The following BICRAL variants were observed in gnomAD, a reference collection of about 807,000 sequenced individuals.
The protein encoded by BICRAL is BRD4-interacting chromatin-remodeling complex-associated protein-like.
Under a neutral mutation model 91.8 loss-of-function variants are expected in BICRAL, and 8 were observed. That is an observed-to-expected ratio of 0.09 (90% CI 0.05 to 0.16). The LOEUF is 0.16. BICRAL is among the 10% of genes least tolerant of loss of function. The probability of loss-of-function intolerance (pLI) is 1.00; values close to 1 mark genes in which losing one functional copy is unlikely to be tolerated. For synonymous variants in BICRAL, 445 were observed against 491.1 expected (o/e 0.91, Z 1.24); for missense variants, 1,038 against 1,310.9 (o/e 0.79, Z 3.21).
intron 1 of BICRAL, among the ~76,000 whole-genome samples, chr6:42,803,610 T>A (rs1433384781): frequency 6.6e-5 from 10 of 152,218 alleles, no homozygotes; most frequent in African/African-American, 2.4e-4. Context: ...GGTAAACAGT[T>A]ATTAGGCATG....
intron 1 of BICRAL, among the ~76,000 whole-genome samples, chr6:42,747,809 T>A (rs1195336509): frequency 6.9e-6 from 1 of 145,036 alleles, no homozygotes; most frequent in Admixed American, 6.7e-5. Context: ...TATTTTGTTT[T>A]TTTTTTTTTT....
chr6:42,749,661 AATT>A (rs1028103815), intron 1 of BICRAL, among the ~76,000 whole-genome samples: 4 of 152,272 alleles, frequency 2.6e-5, no homozygotes, highest in African/African-American at 7.2e-5. Flanking sequence ...AAATATGTAC[AATT>A]ATTATATATC....
At position 42,848,443 on chromosome 6, in the gene BICRAL, C is replaced by T. The variant is rs149117901; in HGVS notation, c.1840-3649C>T. Among the ~76,000 whole-genome samples, 589 of 152,298 alleles carry T rather than the reference C, an allele frequency of 3.9e-3. 3 individuals are homozygous for T. The highest frequency in any genetic ancestry group is 0.013 in the African/African-American group (557 of 41,560). ...AAAAAATAAAATCCTCAAGCGATTG[C>T]AAATTTTCATGCTCTGACATTAGAT... On this transcript the variant is annotated intron_variant, in intron 6 of 12. Transcript: ENST00000314073.
rs1340952303 is a variant in BICRAL, at chr6:42,830,076, C to T, written c.1743C>T (p.Val581=). The T allele has an allele frequency of 2.5e-6, 4 of 1,614,152 alleles. No individual in the cohort carries two copies. The highest frequency in any genetic ancestry group is 8.5e-7 in the Non-Finnish European group (1 of 1,180,002). Residue 581 remains valine (V), a synonymous_variant, in exon 6 of 13, where the codon GTC becomes GTT. Coordinates refer to ENST00000314073, the MANE Select transcript of BICRAL (RefSeq NM_001393499.1). ...LTQPNRTPVP[V]SVSHRLPVSS... ...AGCCAAACAGGACTCCAGTACCAGT[C>T]AGTGTGTCTCATCGTCTTCCAGTTT...
At chr6:42,812,402 G>C (rs1350541582) in intron 2 of BICRAL, among the ~76,000 whole-genome samples, 3 of 151,920 alleles carry the variant, frequency 2.0e-5, no homozygotes, top group African/African-American at 7.3e-5. Context: ...AGACCACCCT[G>C]GGCAACACAG....
intron 1 of BICRAL, among the ~76,000 whole-genome samples, chr6:42,759,500 G>C (rs1457475192): frequency 6.6e-6 from 1 of 152,186 alleles, no homozygotes; most frequent in Non-Finnish European, 1.5e-5. Context: ...GGGAGTGTCT[G>C]AGAGATTTGG....
Position 42,767,499 on chromosome 6 carries a change from T to C in BICRAL, c.-260-14340T>C, listed in dbSNP as rs117898205. On this transcript the variant is annotated intron_variant, in intron 1 of 14. Coordinates refer to the BICRAL transcript ENST00000614467. ...CATCATTAGGTCCAGGGAACACTTG[T>C]CCATGCCACCCTGACTGACTTTAAT... Among the ~76,000 whole-genome samples, 38 of 152,304 alleles carry C rather than the reference T, an allele frequency of 2.5e-4. 3 individuals are homozygous for C. In the East Asian group the frequency reaches 7.3e-3, roughly 29 times the overall value.
intron 1 of BICRAL, among the ~76,000 whole-genome samples, chr6:42,770,537 C>T (rs1762703457): frequency 6.6e-6 from 1 of 151,360 alleles, no homozygotes; most frequent in African/African-American, 2.4e-5. Flanking sequence ...CCCTCAGCCT[C>T]CAGAGTAGCT....
chr6:42,845,183 TG>T (rs372909405), intron 6 of BICRAL, among the ~76,000 whole-genome samples: 1 of 146,466 alleles, frequency 6.8e-6, no homozygotes, highest in Non-Finnish European at 1.5e-5. Context: ...CTCTGTTTTT[TG>T]TTTTTTGGGT....
At chr6:42,805,681 T>C (rs1763684651) in intron 1 of BICRAL, among the ~76,000 whole-genome samples, 1 of 152,026 alleles carries the variant, frequency 6.6e-6, no homozygotes, top group African/African-American at 2.4e-5. Flanking sequence ...GACTTTCTAA[T>C]GTAAATATGA....
chr6:42,769,712 A>T (rs1306249350), intron 1 of BICRAL, among the ~76,000 whole-genome samples: 1 of 152,036 alleles, frequency 6.6e-6, no homozygotes, highest in African/African-American at 2.4e-5. Flanking sequence ...TACCACATTT[A>T]TCCTCATGGA....
intron 6 of BICRAL, among the ~76,000 whole-genome samples, chr6:42,832,578 C>CGTGTGTGTGTGTGT (rs59693040): frequency 1.1e-4 from 16 of 142,744 alleles, no homozygotes; most frequent in African/African-American, 3.1e-4. Flanking sequence ...ATCAAAGGGG[C>CGTGTGTGTGTGTGT]GTGTGTGTGT....
intron 6 of BICRAL, among the ~76,000 whole-genome samples, chr6:42,844,003 C>T (rs1344541913): frequency 2.2e-4 from 32 of 144,446 alleles, no homozygotes; most frequent in Non-Finnish European, 4.5e-4. Context: ...GGGGTTTCAT[C>T]GTGTTGGTCA....
chr6:42,783,123 G>C (rs1268830489), intron 1 of BICRAL, among the ~76,000 whole-genome samples: 1 of 148,278 alleles, frequency 6.7e-6, no homozygotes, highest in Non-Finnish European at 1.5e-5. Flanking sequence ...CAGGCGAGTC[G>C]CCCCGGCCCC....
chr6:42,767,840 A>G (rs1414328210), intron 1 of BICRAL, among the ~76,000 whole-genome samples: 3 of 152,310 alleles, frequency 2.0e-5, no homozygotes, highest in African/African-American at 7.2e-5. Context: ...TCCATAGGAA[A>G]GGAACACCAG....
At chr6:42,858,089 G>A (rs62416289) in intron 10 of BICRAL, among the ~76,000 whole-genome samples, 244 of 150,882 alleles carry the variant, frequency 1.6e-3, no homozygotes, top group Non-Finnish European at 2.9e-3. Flanking sequence ...GGGATTATAG[G>A]CATGAGCCAC....
rs61505055 is a variant in BICRAL, at chr6:42,807,699, G to A, written c.-101-2607G>A. ...CGCGTGCTTGTAGTCCCAGCTACTCGGTAGGCTGAGGCAGGAGAATCGCTT... is the reference window on the plus strand; with the variant it reads ...CGCGTGCTTGTAGTCCCAGCTACTCAGTAGGCTGAGGCAGGAGAATCGCTT... On this transcript the variant is annotated intron_variant, in intron 1 of 12. Transcript: ENST00000314073. Among the ~76,000 whole-genome samples the A allele has an allele frequency of 2.7e-3, 413 of 151,354 alleles. 1 individual carries two copies. The highest frequency in any genetic ancestry group is 9.1e-3 in the African/African-American group (377 of 41,262).
At chr6:42,809,474 T>C (rs1443606391) in intron 1 of BICRAL, among the ~76,000 whole-genome samples, 1 of 150,156 alleles carries the variant, frequency 6.7e-6, no homozygotes, top group Non-Finnish European at 1.5e-5. Context: ...TTCGCTCTTG[T>C]TGCCCGGACT....
upstream of BICRAL, among the ~76,000 whole-genome samples, chr6:42,779,086 G>A (rs1439384348): frequency 2.0e-5 from 3 of 151,786 alleles, no homozygotes; most frequent in African/African-American, 4.8e-5. Flanking sequence ...GTGTGCTGGT[G>A]TGCACTTATA....
Sources: allele counts gnomAD v4.1 joint callset (sites outside exome capture counted in the v4.1 genomes callset), GRCh38; gene constraint gnomAD v4.1.1; transcripts MANE v1.5; gene names NCBI Gene and HGNC (gene_info 2026-07-23, HGNC 2026-07-21).